SPTA1: variants seen among roughly 807,000 people sequenced by gnomAD.
SPTA1 encodes spectrin alpha chain, erythrocytic 1.
SPTA1 carries 177 observed loss-of-function variants against 324.7 expected under a neutral mutation model. The ratio of observed to expected loss-of-function variants is 0.55; its 90% CI spans 0.48 to 0.62. The LOEUF is 0.62. Ranked by LOEUF, SPTA1 falls within the 20% of genes least tolerant of loss-of-function variation. SPTA1 has a pLI of 0.00. For synonymous variants in SPTA1, 1,195 were observed against 1,041.3 expected (o/e 1.15, Z -2.84); for missense variants, 3,162 against 2,883.6 (o/e 1.10, Z -2.21).
intron 1 of SPTA1, among the ~76,000 whole-genome samples, chr1:158,685,860 A>G (rs1399666564): frequency 6.6e-6 from 1 of 152,170 alleles, no homozygotes; most frequent in Non-Finnish European, 1.5e-5. Flanking sequence ...TTTACTCTTT[A>G]CTTGCTTTAC....
chr1:158,645,211 G>A lies in SPTA1; in HGVS notation c.4171C>T (p.Leu1391=), dbSNP rs1363584851. 35 of 1,613,748 alleles carry A rather than the reference G, an allele frequency of 2.2e-5. No homozygotes were observed. Among genetic ancestry groups the A allele is most frequent in the Non-Finnish European group, 2.9e-5 (34 of 1,179,826 alleles). The change falls in exon 29 of 52, where the codon CTA becomes TTA. Residue 1391 remains leucine (L), a synonymous_variant. Coordinates refer to ENST00000643759, the MANE Select transcript of SPTA1 (RefSeq NM_003126.4). ...EKAWEKRKKI[L]DQCLELQMFQ... ...ACCTGCAACTCCAGGCACTGGTCTA[G>A]GATCTTCTTGCGTTTTTCCCAAGCC...
At position 158,674,687 on chromosome 1, in the gene SPTA1, G is replaced by A. The variant is rs577938299; in HGVS notation, c.1113-12C>T. The A allele has an allele frequency of 6.2e-7, 1 of 1,613,334 alleles. No individual in the cohort carries two copies. The highest frequency in any genetic ancestry group is 1.7e-5 in the Admixed American group (1 of 60,002). ...AAAATCGATGGTACCTGTGGGAAAA[G>A]TGAGGTAAAAGACAGGAAGGAGAAA... On this transcript the variant is annotated splice_polypyrimidine_tract_variant and intron_variant, in intron 8 of 51. Coordinates refer to ENST00000643759, the MANE Select transcript of SPTA1 (RefSeq NM_003126.4).
At chr1:158,681,905 G>A (rs904259817) in intron 3 of SPTA1, among the ~76,000 whole-genome samples, 2 of 152,166 alleles carry the variant, frequency 1.3e-5, no homozygotes, top group Admixed American at 1.3e-4. Context: ...AGTTTTAAAG[G>A]ATGGAATAAT....
intron 27 of SPTA1, among the ~76,000 whole-genome samples, chr1:158,645,842 C>T (rs112993861): frequency 0.014 from 2,135 of 152,090 alleles, 45 homozygotes; most frequent in African/African-American, 0.048. Flanking sequence ...GCAGAGATTC[C>T]GGGAATTTTT....
rs200829664 is a variant in SPTA1, at chr1:158,669,538, C to G, written c.1703G>C (p.Arg568Pro). ...TCTACGTCTAGTGGCAGCCTTTTCA[C>G]GTAGGGCATCCCGCCGGGCTAACAG... The part of the protein sequence containing the change: ...DGLLARRDAL[R>P]EKAATRRRLL... Residue 568 changes from arginine (R) to proline (P), a missense_variant, in exon 14 of 52, where the codon CGT becomes CCT. Transcript: ENST00000643759. The G allele has an allele frequency of 1.3e-4, 210 of 1,614,096 alleles. No homozygotes were observed. In the Middle Eastern group the frequency reaches 5.8e-3, roughly 44 times the overall value.
chr1:158,662,518 A>G (rs1477099456), intron 17 of SPTA1, among the ~76,000 whole-genome samples, 184 bp downstream of exon 17: 1 of 152,114 alleles, frequency 6.6e-6, no homozygotes, highest in African/African-American at 2.4e-5. Context: ...CAGTTTTAGG[A>G]GGTGTAATTT....
At chr1:158,633,730 C>T (rs933978321) in intron 39 of SPTA1, among the ~76,000 whole-genome samples, 9 of 150,814 alleles carry the variant, frequency 6.0e-5, no homozygotes, top group Non-Finnish European at 1.3e-4. Flanking sequence ...CCTTTGAGAG[C>T]ATTTGATAGG....
chr1:158,680,661 A>G lies in SPTA1; in HGVS notation c.600T>C (p.Phe200=). ...WERTEVLHKK[F]EDFQVELVAK... is the part of the protein sequence containing the mutation. The stretch of plus-strand genomic sequence containing the variant: ...CTACCAGCTCCACTTGGAAGTCTTC[A>G]AATTTCTTATGCAGAACTTCGGTGC... The change falls in exon 5 of 52, where the codon TTT becomes TTC. Residue 200 remains phenylalanine (F), a synonymous_variant. Transcript: ENST00000643759. The G allele has an allele frequency of 6.2e-7, 1 of 1,613,950 alleles. No individual in the cohort carries two copies. Among genetic ancestry groups the G allele is most frequent in the Non-Finnish European group, 8.5e-7 (1 of 1,179,892 alleles).
intron 43 of SPTA1, 66 bp from the exon 44 acceptor site, chr1:158,620,532 G>A (rs1649841997): frequency 1.3e-6 from 2 of 1,594,192 alleles, no homozygotes; most frequent in Non-Finnish European, 1.7e-6. Context: ...AGAGAAGATT[G>A]AGGATAAAAA....
At chr1:158,674,498 T>C (rs1266136810) in intron 9 of SPTA1, 42 bp downstream of exon 9, 1 of 1,614,018 alleles carries the variant, frequency 6.2e-7, no homozygotes, top group Admixed American at 1.7e-5. Context: ...TTCAGCCAAA[T>C]AACCTGCCCC....
chr1:158,649,988 AC>A, intron 24 of SPTA1, 41 bp from the exon 25 acceptor site: 1 of 1,395,056 alleles, frequency 7.2e-7, no homozygotes, highest in Non-Finnish European at 1.0e-6. Context: ...CAGAGAACTA[AC>A]TCACATGGCT....
At chr1:158,686,075 G>T (rs913285094) in intron 1 of SPTA1, among the ~76,000 whole-genome samples, 2 of 152,196 alleles carry the variant, frequency 1.3e-5, no homozygotes, top group African/African-American at 2.4e-5. Context: ...TCATTCTTCT[G>T]GATATGGATA....
At chr1:158,653,171 T>G in intron 22 of SPTA1, 103 bp downstream of exon 22, 1 of 1,511,430 alleles carries the variant, frequency 6.6e-7, no homozygotes, top group South Asian at 1.1e-5. Flanking sequence ...TCAGATTTTC[T>G]GTGGCATCTC....
In SPTA1 at chr1:158,686,642, G is replaced by T; in HGVS notation, c.-125C>A. 2.3e-5 allele frequency: 13 copies of T among 559,036 alleles called. No homozygotes were observed. Among genetic ancestry groups the T allele is most frequent in the Non-Finnish European group, 3.5e-5 (11 of 312,104 alleles). 34.6% of individuals were successfully genotyped at this position (559,036 alleles called of 1,614,324 possible). A position where few individuals can be genotyped will look rare whatever the true frequency, so the allele number is the denominator to read the frequency against. On this transcript the variant is annotated 5_prime_UTR_variant, in exon 1 of 52. Coordinates refer to ENST00000643759, the MANE Select transcript of SPTA1 (RefSeq NM_003126.4). ...ATATAGAAACGTTAAGTATGTGGGGGAAAAAAAAAAACCTCTTGCTTGGTC... is the reference window on the plus strand; with the variant it reads ...ATATAGAAACGTTAAGTATGTGGGGTAAAAAAAAAAACCTCTTGCTTGGTC...
rs114164975 is a variant in SPTA1, at chr1:158,645,797, C to T, written c.3897-203G>A. 7.3e-3 allele frequency among the ~76,000 whole-genome samples: 1,106 copies of T among 152,228 alleles called. 13 individuals carry two copies. The highest frequency in any genetic ancestry group is 0.026 in the African/African-American group (1,066 of 41,538). The stretch of plus-strand genomic sequence containing the variant: ...TCCCTTGTATTTGAAAGCCTCTTCA[C>T]TTTTATTATCTTTTTCAATTCTTGC... On this transcript the variant is annotated intron_variant, in intron 27 of 51. Coordinates refer to ENST00000643759, the MANE Select transcript of SPTA1 (RefSeq NM_003126.4).
intron 25 of SPTA1, 40 bp downstream of exon 25, chr1:158,649,816 G>A: frequency 6.6e-7 from 1 of 1,515,196 alleles, no homozygotes; most frequent in Non-Finnish European, 9.2e-7. Flanking sequence ...TAGTGAGTGG[G>A]TTTTAAAGCA....
intron 39 of SPTA1, among the ~76,000 whole-genome samples, chr1:158,630,548 G>A (rs1006285392): frequency 1.3e-5 from 2 of 152,022 alleles, no homozygotes; most frequent in Admixed American, 6.5e-5. Context: ...GAAAGAAAAG[G>A]TAGGGTAAAA....
rs1654028559 is a variant in SPTA1, at chr1:158,671,543, G to C, written c.1489-90C>G. On this transcript the variant is annotated intron_variant, in intron 11 of 51. Coordinates refer to ENST00000643759, the MANE Select transcript of SPTA1 (RefSeq NM_003126.4). Reference sequence around the variant, plus strand: ...ATCTCTGAGACAAGGACTAAGGCAGGAGGGAACAAGGTGGGAATTAGCACA... The same window carrying C: ...ATCTCTGAGACAAGGACTAAGGCAGCAGGGAACAAGGTGGGAATTAGCACA... The C allele has an allele frequency of 3.9e-6, 4 of 1,027,534 alleles. No homozygotes were observed. The East Asian group carries it at 9.7e-5, about 25-fold the overall frequency. The allele number at this position is 1,027,534 out of a possible 1,614,324, so 63.7% of individuals were successfully genotyped here.
chr1:158,620,043 T>A, intron 44 of SPTA1, 127 bp downstream of exon 44: 5 of 1,249,240 alleles, frequency 4.0e-6, no homozygotes, highest in Non-Finnish European at 5.8e-6. Flanking sequence ...GACAGTCATG[T>A]TTCATGACTT....
Sources: gnomAD v4.1 joint callset for allele counts (sites outside exome capture counted in the v4.1 genomes callset) on GRCh38, gnomAD v4.1.1 for gene constraint, MANE v1.5 for transcripts, NCBI Gene and HGNC (gene_info 2026-07-23, HGNC 2026-07-21) for gene names.